KCNN2: variants seen among roughly 807,000 people sequenced by gnomAD.
KCNN2 encodes small conductance calcium-activated potassium channel protein 2.
KCNN2 carries 24 observed loss-of-function variants against 55.5 expected under a neutral mutation model. The ratio of observed to expected loss-of-function variants is 0.43; its 90% CI spans 0.31 to 0.61. The LOEUF (loss-of-function observed/expected upper bound fraction) is 0.61. KCNN2 is among the 20% of genes least tolerant of loss of function. The pLI, the probability that KCNN2 is intolerant of heterozygous loss-of-function variation, is 0.08. For synonymous variants in KCNN2, 431 were observed against 336.1 expected (o/e 1.28, Z -3.09); for missense variants, 754 against 853.6 (o/e 0.88, Z 1.45).
At chr5:114,272,055 C>A (rs1257617714) in intron 2 of KCNN2, among the ~76,000 whole-genome samples, 11 of 152,012 alleles carry the variant, frequency 7.2e-5, no homozygotes, top group African/African-American at 2.7e-4. Context: ...AAATAATTTT[C>A]TTTTTTTCTG....
Position 114,351,664 on chromosome 5 carries a change from A to T in KCNN2, c.-184-9281A>T, listed in dbSNP as rs141057024. 2.6e-4 allele frequency among the ~76,000 whole-genome samples: 39 copies of T among 151,876 alleles called. No homozygotes were observed. In the East Asian group the frequency reaches 7.3e-3, roughly 29 times the overall value. On this transcript the variant is annotated intron_variant, in intron 2 of 10. Transcript: ENST00000512097. ...TCCTACTTTGTTGAGTGTGTTTATCATGAAAGAGTTTTGGATTTTGTCAAA... is the reference window on the plus strand; with the variant it reads ...TCCTACTTTGTTGAGTGTGTTTATCTTGAAAGAGTTTTGGATTTTGTCAAA...
At chr5:114,462,443 A>C (rs1219964166) in intron 3 of KCNN2, among the ~76,000 whole-genome samples, 1 of 152,174 alleles carries the variant, frequency 6.6e-6, no homozygotes, top group East Asian at 1.9e-4. Context: ...TTCTGTGTTC[A>C]AGGATGAAGG....
intron 1 of KCNN2, among the ~76,000 whole-genome samples, chr5:114,156,994 C>CTT (rs544870674): frequency 1.4e-5 from 2 of 147,754 alleles, no homozygotes; most frequent in African/African-American, 5.0e-5. Context: ...TTTGGGATTT[C>CTT]TTTTTTTTTT....
At chr5:114,422,217 A>G (rs992649330) in intron 3 of KCNN2, among the ~76,000 whole-genome samples, 1 of 152,154 alleles carries the variant, frequency 6.6e-6, no homozygotes, top group Non-Finnish European at 1.5e-5. Context: ...TTAAATTTTT[A>G]TGTTCCCCCA....
intron 1 of KCNN2, among the ~76,000 whole-genome samples, chr5:114,134,724 C>T (rs1561489673): frequency 6.6e-6 from 1 of 152,106 alleles, no homozygotes; most frequent in Non-Finnish European, 1.5e-5. Flanking sequence ...ATCCATCCGT[C>T]TTGGTCTCCC....
At chr5:114,099,073 T>C (rs1387673493) in intron 1 of KCNN2, among the ~76,000 whole-genome samples, 1 of 152,282 alleles carries the variant, frequency 6.6e-6, no homozygotes, top group East Asian at 1.9e-4. Context: ...CTCCAAAGGA[T>C]TGACTTTATT....
intron 1 of KCNN2, among the ~76,000 whole-genome samples, chr5:114,102,911 G>C (rs1269966186): frequency 1.3e-5 from 2 of 152,106 alleles, no homozygotes; most frequent in Non-Finnish European, 2.9e-5. Context: ...GATTGTCTTG[G>C]CTATATGGGC....
intron 2 of KCNN2, among the ~76,000 whole-genome samples, chr5:114,241,796 A>ATGTGTGTG (rs1294260691): frequency 4.1e-5 from 1 of 24,346 alleles, no homozygotes; most frequent in African/African-American, 1.3e-4. Context: ...ATATATATGT[A>ATGTGTGTG]TATATATACG....
intron 2 of KCNN2, among the ~76,000 whole-genome samples, chr5:114,250,497 C>G (rs779918741): frequency 6.6e-6 from 1 of 152,184 alleles, no homozygotes; most frequent in Non-Finnish European, 1.5e-5. Context: ...GCTGCTGTAT[C>G]TGCTTTGATG....
intron 7 of KCNN2, among the ~76,000 whole-genome samples, chr5:114,494,006 A>G (rs2068739): frequency 2.9e-3 from 434 of 152,274 alleles, no homozygotes; most frequent in Non-Finnish European, 3.4e-3. Flanking sequence ...TTTCAAAATC[A>G]TACCACTTTT....
intron 1 of KCNN2, among the ~76,000 whole-genome samples, chr5:114,075,318 A>G (rs989333568): frequency 3.3e-5 from 5 of 152,318 alleles, no homozygotes; most frequent in African/African-American, 9.6e-5. Flanking sequence ...TGCAGAAGCA[A>G]ATCATCTGAG....
At chr5:114,160,714 A>T (rs1580573103) in intron 1 of KCNN2, among the ~76,000 whole-genome samples, 1 of 152,106 alleles carries the variant, frequency 6.6e-6, no homozygotes, top group African/African-American at 2.4e-5. Flanking sequence ...TATATTTAGG[A>T]TAGTTAGTTC....
chr5:114,473,385 G>A (rs759015137), intron 5 of KCNN2, among the ~76,000 whole-genome samples: 2 of 152,130 alleles, frequency 1.3e-5, no homozygotes, highest in Non-Finnish European at 2.9e-5. Flanking sequence ...GGATAAAGAC[G>A]AGTCACATAA....
At chr5:114,104,246 G>C (rs1751434049) in intron 1 of KCNN2, among the ~76,000 whole-genome samples, 1 of 152,068 alleles carries the variant, frequency 6.6e-6, no homozygotes, top group Admixed American at 6.6e-5. Flanking sequence ...ATGGTAGTTT[G>C]TATTTCTTTG....
intron 3 of KCNN2, among the ~76,000 whole-genome samples, chr5:114,442,063 A>G (rs1033188767): frequency 6.6e-6 from 1 of 152,134 alleles, no homozygotes; most frequent in African/African-American, 2.4e-5. Flanking sequence ...AAAAAGAGAA[A>G]AAAGCCACTG....
intron 2 of KCNN2, among the ~76,000 whole-genome samples, chr5:114,401,233 C>T (rs1208885346): frequency 6.6e-6 from 1 of 151,970 alleles, no homozygotes; most frequent in South Asian, 2.1e-4. Flanking sequence ...GTATTAAGAC[C>T]TTTGATAGTA....
chr5:114,440,870 TA>T (rs1760180788), intron 3 of KCNN2, among the ~76,000 whole-genome samples: 1 of 152,006 alleles, frequency 6.6e-6, no homozygotes. Context: ...CACAATGTGA[TA>T]GCTAAAACCC....
At chr5:114,084,023 ATTG>A (rs1750959914) in intron 1 of KCNN2, among the ~76,000 whole-genome samples, 3 of 151,936 alleles carry the variant, frequency 2.0e-5, no homozygotes, top group African/African-American at 4.8e-5. Flanking sequence ...ACTTATTTTT[ATTG>A]TTGTGTGAAA....
At chr5:114,245,512 A>G (rs1316254130) in intron 2 of KCNN2, among the ~76,000 whole-genome samples, 3 of 152,204 alleles carry the variant, frequency 2.0e-5, no homozygotes, top group African/African-American at 7.2e-5. Flanking sequence ...CATCTATATC[A>G]AAAGTAAAGT....
Sources: gnomAD v4.1 joint callset for allele counts (sites outside exome capture counted in the v4.1 genomes callset) on GRCh38, gnomAD v4.1.1 for gene constraint, MANE v1.5 for transcripts, NCBI Gene and HGNC (gene_info 2026-07-23, HGNC 2026-07-21) for gene names.